The following EEF1D variants were observed in gnomAD, a reference collection of about 807,000 sequenced individuals.
The protein encoded by EEF1D is eukaryotic translation elongation factor 1 delta.
EEF1D carries 47 observed loss-of-function variants against 63.9 expected under a neutral mutation model. That is an observed-to-expected ratio of 0.74 (90% CI 0.58 to 0.94). The LOEUF is 0.94. Ranked by LOEUF, EEF1D falls within the 40% of genes least tolerant of loss-of-function variation. The pLI, the probability that EEF1D is intolerant of heterozygous loss-of-function variation, is 0.00. For synonymous variants in EEF1D, 412 were observed against 386.1 expected, an observed-to-expected ratio of 1.07 and a Z score of -0.79; for missense variants, 907 against 899.0, an observed-to-expected ratio of 1.01 and a Z score of -0.11.
At chr8:143,590,113 G>A (rs1169657651) in intron 2 of EEF1D, 32 bp from the exon 3 acceptor site, 2 of 1,598,152 alleles carry the variant, frequency 1.3e-6, no homozygotes, top group African/African-American at 1.3e-5. Flanking sequence ...AGCAAGCAGA[G>A]GGCAGAGTTG....
chr8:143,586,863 A>T lies in EEF1D; in HGVS notation c.1092-11T>A, dbSNP rs201189050. The T allele has an allele frequency of 6.2e-6, 10 of 1,613,156 alleles. No individual in the cohort carries two copies. The East Asian group carries it at 2.2e-4, about 36-fold the overall frequency. On this transcript the variant is annotated splice_polypyrimidine_tract_variant and intron_variant, in intron 3 of 9. Coordinates refer to ENST00000618139, the MANE Select transcript of EEF1D (RefSeq NM_001130053.5). Reference sequence around the variant, plus strand: ...GTAGCCATTTTTCTGCTGGGAGGGGAAAGAGGCAAAGTCAGCATGGCTGGG... The same window carrying T: ...GTAGCCATTTTTCTGCTGGGAGGGGTAAGAGGCAAAGTCAGCATGGCTGGG...
At position 143,592,063 on chromosome 8, in the gene EEF1D, C is replaced by T. The variant is rs1037666821; in HGVS notation, c.-1+584G>A. On this transcript the variant is annotated intron_variant, in intron 2 of 9. Transcript: ENST00000618139. ...GCTCCCTAGGCTCCCCTGCTCATTC[C>T]TTCCCCAGGCTGGGGCAGCACTTAC... is the stretch of plus-strand genomic sequence containing the variant. 13 of 985,440 alleles carry T rather than the reference C, an allele frequency of 1.3e-5. No homozygotes were observed. In the African/African-American group the frequency reaches 1.4e-4, roughly 11 times the overall value. The allele number at this position is 985,440 out of a possible 1,614,324, so 61.0% of individuals were successfully genotyped here. A position where few individuals can be genotyped will look rare whatever the true frequency, so the allele number is the denominator to read the frequency against.
At chr8:143,581,456 G>A (rs1825549682) in intron 5 of EEF1D, 128 bp from the exon 6 acceptor site, 8 of 772,218 alleles carry the variant, frequency 1.0e-5, no homozygotes, top group South Asian at 8.9e-5. Context: ...GCCCCCCGCT[G>A]ATGCCCAGCT....
chr8:143,585,214 C>A (rs1325376764), intron 5 of EEF1D, among the ~76,000 whole-genome samples: 1 of 152,160 alleles, frequency 6.6e-6, no homozygotes, highest in Non-Finnish European at 1.5e-5. Context: ...TGGGAACATC[C>A]TGGACCTGGG....
At chr8:143,591,654 G>C (rs1018170088) in intron 2 of EEF1D, among the ~76,000 whole-genome samples, 5 of 152,250 alleles carry the variant, frequency 3.3e-5, no homozygotes, top group African/African-American at 1.2e-4. Context: ...GTGTCTAGTG[G>C]AGCCTGAGGG....
At chr8:143,585,075 A>C (rs1322713157) in intron 5 of EEF1D, among the ~76,000 whole-genome samples, 3 of 152,148 alleles carry the variant, frequency 2.0e-5, no homozygotes, top group African/African-American at 7.2e-5. Context: ...GGTGAGGAGC[A>C]ATGCACCTTA....
chr8:143,592,120 T>G (rs1828071506), intron 2 of EEF1D: 1 of 983,648 alleles, frequency 1.0e-6, no homozygotes, highest in Non-Finnish European at 1.2e-6. Flanking sequence ...AGGCAGGGGT[T>G]GTGGGTTGGG....
chr8:143,587,698 G>A (rs1011608719), intron 3 of EEF1D: 3 of 152,260 alleles, frequency 2.0e-5, no homozygotes, highest in Non-Finnish European at 4.4e-5. Flanking sequence ...GGGGTCCTGA[G>A]AGCAAGAAGG....
intron 4 of EEF1D, 120 bp from the exon 5 acceptor site, chr8:143,586,410 A>T: frequency 9.9e-7 from 1 of 1,007,420 alleles, no homozygotes; most frequent in East Asian, 2.7e-5. Context: ...TACTGCACAG[A>T]ACGAGAGCTT....
chr8:143,581,270 C>T lies in EEF1D; in HGVS notation c.1346G>A (p.Arg449Gln), dbSNP rs148062906. The T allele has an allele frequency of 7.4e-6, 12 of 1,612,550 alleles. No individual in the cohort carries two copies. The highest frequency in any genetic ancestry group is 2.2e-5 in the East Asian group (1 of 44,878). Residue 449 changes from arginine (R) to glutamine (Q), a missense_variant, in exon 6 of 10, where the codon CGG (arginine) becomes CAG (glutamine). By Grantham distance (43) the Arg-to-Gln change is conservative. Coordinates refer to ENST00000618139, the MANE Select transcript of EEF1D (RefSeq NM_001130053.5). ...TSGDHGELVV[R>Q]IASLEVENQS... Reference sequence around the variant, plus strand: ...GTTCTCCACTTCCAGACTGGCAATCCGGACGACGAGCTCACCGTGGTCTCC... The same window carrying T: ...GTTCTCCACTTCCAGACTGGCAATCTGGACGACGAGCTCACCGTGGTCTCC...
intron 3 of EEF1D, among the ~76,000 whole-genome samples, chr8:143,587,879 G>A (rs1348437005): frequency 2.0e-5 from 3 of 152,106 alleles, no homozygotes; most frequent in South Asian, 2.1e-4. Context: ...GGAGTTTGCC[G>A]CCCCCCACCC....
chr8:143,584,526 C>G (rs891080097), intron 5 of EEF1D, among the ~76,000 whole-genome samples: 1 of 152,126 alleles, frequency 6.6e-6, no homozygotes, highest in Non-Finnish European at 1.5e-5. Flanking sequence ...AGGATCATGC[C>G]ACTGTACTCC....
chr8:143,593,931 T>C, intron 1 of EEF1D: 2 of 985,362 alleles, frequency 2.0e-6, no homozygotes, highest in Non-Finnish European at 2.4e-6. Context: ...GCTTCAAAGC[T>C]TGCGCAGACG....
At chr8:143,596,950 G>A (rs1348857105) in intron 1 of EEF1D, 1 of 152,282 alleles carries the variant, frequency 6.6e-6, no homozygotes, top group East Asian at 1.9e-4. Flanking sequence ...TGCAGTAACT[G>A]GTGCTTGACA....
chr8:143,594,012 G>A (rs763828381), intron 1 of EEF1D: 5 of 732,354 alleles, frequency 6.8e-6, no homozygotes, highest in Admixed American at 6.3e-5. Flanking sequence ...TTTCAACTGC[G>A]TCCCGACAAA....
At chr8:143,590,114 G>A (rs1827678289) in intron 2 of EEF1D, 33 bp from the exon 3 acceptor site, 1 of 1,598,122 alleles carries the variant, frequency 6.3e-7, no homozygotes, top group Non-Finnish European at 8.5e-7. Flanking sequence ...GCAAGCAGAG[G>A]GCAGAGTTGC....
intron 2 of EEF1D, chr8:143,592,176 G>A (rs948252457): frequency 1.0e-6 from 1 of 985,444 alleles, no homozygotes; most frequent in Non-Finnish European, 1.2e-6. Flanking sequence ...TTGTGACATC[G>A]TGCGGTGGTA....
At chr8:143,580,757 G>A (rs1391307929) in intron 7 of EEF1D, 30 bp from the exon 8 acceptor site, 9 of 1,607,730 alleles carry the variant, frequency 5.6e-6, no homozygotes, top group East Asian at 2.2e-5. Flanking sequence ...AGGAGGCACG[G>A]CTGAGACGCC....
chr8:143,586,389 C>T, intron 4 of EEF1D, 99 bp from the exon 5 acceptor site: 11 of 1,164,796 alleles, frequency 9.4e-6, no homozygotes, highest in Non-Finnish European at 1.2e-5. Flanking sequence ...CACATAGAGA[C>T]AGCAAGAAAG....
Sources: gnomAD v4.1 joint callset for allele counts (sites outside exome capture counted in the v4.1 genomes callset) on GRCh38, gnomAD v4.1.1 for gene constraint, MANE v1.5 for transcripts, NCBI Gene and HGNC (gene_info 2026-07-23, HGNC 2026-07-21) for gene names.